HECW2: variants seen among roughly 807,000 people sequenced by gnomAD.
HECW2 encodes E3 ubiquitin-protein ligase HECW2.
A neutral mutation model predicts 175.2 loss-of-function variants in HECW2; 61 were observed. The observed-to-expected ratio is 0.35, with a 90% confidence interval of 0.28 to 0.43. The LOEUF is 0.43. Among genes scored for constraint, HECW2 ranks in the 20% least tolerant of loss-of-function variants. HECW2 has a pLI of 1.00. For missense variants in HECW2, 1,524 were observed against 2,000.5 expected, an observed-to-expected ratio of 0.76 and a Z score of 4.54; for synonymous variants, 671 against 731.0, an observed-to-expected ratio of 0.92 and a Z score of 1.32.
intron 2 of HECW2, among the ~76,000 whole-genome samples, chr2:196,417,412 A>G (rs1695284189): frequency 6.6e-6 from 1 of 152,198 alleles, no homozygotes; most frequent in South Asian, 2.1e-4. Flanking sequence ...ATGCAGTTAG[A>G]AAGAATTTTA....
chr2:196,281,672 G>A (rs1242827139), intron 14 of HECW2, among the ~76,000 whole-genome samples: 25 of 121,314 alleles, frequency 2.1e-4, no homozygotes, highest in Non-Finnish European at 1.6e-4. Flanking sequence ...AAAAAAAAGC[G>A]TGTTCTTTTA....
intron 17 of HECW2, chr2:196,260,407 T>C (rs1689240214): frequency 6.6e-6 from 1 of 152,240 alleles, no homozygotes; most frequent in African/African-American, 2.4e-5. Context: ...TGAGTCATTC[T>C]TTCAGTGAAC....
At chr2:196,394,524 C>G (rs1380997618) in intron 2 of HECW2, among the ~76,000 whole-genome samples, 1 of 152,028 alleles carries the variant, frequency 6.6e-6, no homozygotes, top group Non-Finnish European at 1.5e-5. Flanking sequence ...AAACATCCCC[C>G]CTTTAGAGAG....
intron 19 of HECW2, among the ~76,000 whole-genome samples, chr2:196,252,176 C>A (rs1688877854): frequency 4.4e-5 from 1 of 22,578 alleles, no homozygotes. Flanking sequence ...GACTCCGATT[C>A]AAAATAATAA....
chr2:196,438,483 A>G (rs1695945813), intron 1 of HECW2, among the ~76,000 whole-genome samples: 1 of 152,220 alleles, frequency 6.6e-6, no homozygotes, highest in African/African-American at 2.4e-5. Context: ...AGCACATTTC[A>G]GTTCAAACTG....
intron 2 of HECW2, among the ~76,000 whole-genome samples, chr2:196,430,313 A>G (rs1695672153): frequency 6.6e-6 from 1 of 152,206 alleles, no homozygotes; most frequent in Non-Finnish European, 1.5e-5. Flanking sequence ...AAAAAAATCA[A>G]CACTGTTATT....
chr2:196,291,351 A>C (rs1449915474), intron 14 of HECW2: 2 of 152,054 alleles, frequency 1.3e-5, no homozygotes, highest in Non-Finnish European at 2.9e-5. Context: ...GTTATTTTTC[A>C]TCATAGCATT....
intron 11 of HECW2, 56 bp downstream of exon 11, chr2:196,307,879 G>A (rs1356995309): frequency 7.0e-7 from 1 of 1,421,068 alleles, no homozygotes; most frequent in Non-Finnish European, 9.4e-7. Context: ...TTTGTGCCAA[G>A]TAAAAATTAG....
intron 1 of HECW2, among the ~76,000 whole-genome samples, chr2:196,565,043 GA>G (rs151002803): frequency 0.035 from 5,300 of 150,196 alleles, 306 homozygotes; most frequent in African/African-American, 0.12. Context: ...TAATTAAACA[GA>G]AAAACCTTTT....
At chr2:196,462,034 T>A (rs987889118) in intron 1 of HECW2, among the ~76,000 whole-genome samples, 9 of 152,176 alleles carry the variant, frequency 5.9e-5, no homozygotes. Context: ...TTTTCTGTAC[T>A]CATATATATA....
At chr2:196,475,298 AAGG>A (rs1686532767) in intron 1 of HECW2, among the ~76,000 whole-genome samples, 1 of 150,658 alleles carries the variant, frequency 6.6e-6, no homozygotes, top group South Asian at 2.1e-4. Context: ...AATGGTAGGG[AAGG>A]AGAAGGGAGT....
Position 196,560,326 on chromosome 2 carries a change from A to G in HECW2, c.-36+33182T>C, listed in dbSNP as rs910061339. Among the ~76,000 whole-genome samples, 31 of 152,074 alleles carry G rather than the reference A, an allele frequency of 2.0e-4. 1 individual carries two copies. Among genetic ancestry groups the G allele is most frequent in the Admixed American group, 1.6e-3 (24 of 15,262 alleles). On this transcript the variant is annotated intron_variant, in intron 1 of 28. Transcript: ENST00000644978. ...ATGCCCAGCTAATTTTTGTATTTTT[A>G]GTAGAGACGGGGTTTCACCATGTTA...
chr2:196,307,134 A>T lies in HECW2; in HGVS notation c.2685T>A (p.Ser895Arg). ...AACAAAGCCCAAAGCTCTTACCTGC[A>T]CTGGCTTGGTGAAAGTCAGCTTCCT... Reference protein sequence around the residue: ...AGEEADFHQASADFRRENILP... With the variant: ...AGEEADFHQARADFRRENILP... The change falls in exon 12 of 29, where the codon AGT becomes AGA. Residue 895 changes from serine (S) to arginine (R), a missense_variant. Ser to Arg is a moderately radical substitution (Grantham distance 110). Around this residue, in one of 11 missense-constraint regions of HECW2, gnomAD observed 105 missense variants for 98.1 expected, o/e 1.07. Coordinates refer to ENST00000644978, the MANE Select transcript of HECW2 (RefSeq NM_001348768.2). 1.2e-6 allele frequency: 2 copies of T among 1,607,570 alleles called. No homozygotes were observed. Among genetic ancestry groups the T allele is most frequent in the Non-Finnish European group, 1.7e-6 (2 of 1,174,092 alleles).
At chr2:196,373,529 T>C (rs543576763) in intron 2 of HECW2, among the ~76,000 whole-genome samples, 1 of 152,256 alleles carries the variant, frequency 6.6e-6, no homozygotes, top group Non-Finnish European at 1.5e-5. Context: ...CAAGCTATAT[T>C]TAAAGGTCCG....
chr2:196,258,199 A>C, intron 17 of HECW2: 1 of 304,798 alleles, frequency 3.3e-6, no homozygotes, highest in Non-Finnish European at 6.1e-6. Context: ...TATTCAACCA[A>C]TAAAATCAGT....
chr2:196,380,864 G>C (rs144181510), intron 2 of HECW2, among the ~76,000 whole-genome samples: 2 of 152,186 alleles, frequency 1.3e-5, no homozygotes, highest in Non-Finnish European at 2.9e-5. Flanking sequence ...ACTGTGCTGA[G>C]TTCAACCTGT....
At chr2:196,282,822 AC>A (rs551530957) in intron 14 of HECW2, among the ~76,000 whole-genome samples, 1 of 151,712 alleles carries the variant, frequency 6.6e-6, no homozygotes, top group Admixed American at 6.6e-5. Flanking sequence ...GGCATATCCA[AC>A]CCCCCACTTT....
At chr2:196,458,585 A>T (rs1041488483) in intron 1 of HECW2, among the ~76,000 whole-genome samples, 3 of 152,134 alleles carry the variant, frequency 2.0e-5, no homozygotes, top group Non-Finnish European at 4.4e-5. Flanking sequence ...TGACAAGTGT[A>T]GGCTGGGCGT....
intron 1 of HECW2, among the ~76,000 whole-genome samples, chr2:196,484,158 T>C (rs1686929296): frequency 6.6e-6 from 1 of 152,204 alleles, no homozygotes; most frequent in Non-Finnish European, 1.5e-5. Context: ...CATTAAGTTG[T>C]TGGAGGTTTA....
Sources: allele counts gnomAD v4.1 joint callset (sites outside exome capture counted in the v4.1 genomes callset), GRCh38; gene constraint gnomAD v4.1.1; regional missense constraint gnomAD v4.1.1; transcripts MANE v1.5; gene names NCBI Gene and HGNC (gene_info 2026-07-23, HGNC 2026-07-21).